Variants in MAST4 observed in about 807,000 individuals in gnomAD.
MAST4 encodes the protein microtubule associated serine/threonine kinase family member 4.
A neutral mutation model predicts 162.7 loss-of-function variants in MAST4; 89 were observed. The ratio of observed to expected loss-of-function variants is 0.55; its 90% CI spans 0.46 to 0.65. The LOEUF is 0.65. Among genes scored for constraint, MAST4 ranks in the 30% least tolerant of loss-of-function variants. The probability of loss-of-function intolerance (pLI) is 0.00; values close to 1 mark genes in which losing one functional copy is unlikely to be tolerated. For missense variants in MAST4, 3,153 were observed against 3,374.0 expected, an observed-to-expected ratio of 0.93 and a Z score of 1.62; for synonymous variants, 1,479 against 1,361.1, an observed-to-expected ratio of 1.09 and a Z score of -1.91.
chr5:66,843,000 A>G (rs1377856912), intron 3 of MAST4, among the ~76,000 whole-genome samples: 1 of 152,214 alleles, frequency 6.6e-6, no homozygotes, highest in Non-Finnish European at 1.5e-5. Flanking sequence ...ATAATTTGAA[A>G]TGCAGCCCTT....
intron 1 of MAST4, among the ~76,000 whole-genome samples, chr5:66,601,721 T>A (rs1411759812): frequency 2.0e-5 from 3 of 152,058 alleles, no homozygotes; most frequent in Non-Finnish European, 2.9e-5. Context: ...CTCATGACAT[T>A]TGATAGAGAA....
intron 4 of MAST4, among the ~76,000 whole-genome samples, chr5:67,028,989 G>A (rs575191087): frequency 2.0e-5 from 3 of 152,032 alleles, no homozygotes; most frequent in Non-Finnish European, 2.9e-5. Flanking sequence ...AAATAAATTC[G>A]CTAGGCATGG....
At chr5:66,800,118 A>G (rs907217915) in intron 3 of MAST4, among the ~76,000 whole-genome samples, 1 of 152,204 alleles carries the variant, frequency 6.6e-6, no homozygotes, top group Admixed American at 6.5e-5. Flanking sequence ...TTGTGACGAT[A>G]AGCTTTTCTA....
In MAST4 at chr5:67,167,248, C is replaced by A; in HGVS notation, c.*197C>A. On this transcript the variant is annotated 3_prime_UTR_variant, in exon 29 of 29. Coordinates refer to ENST00000403625, the MANE Select transcript of MAST4 (RefSeq NM_001164664.2). ...CCAGTTGTAACCGGTAAAACTGTTA[C>A]CAGATAGTGTTTGTACAAAAAAAAA... 7.0e-6 allele frequency: 1 copy of A among 142,308 alleles called. No homozygotes were observed. The highest frequency in any genetic ancestry group is 1.3e-5 in the Non-Finnish European group (1 of 79,664). The allele number at this position is 142,308 out of a possible 1,614,324, so 8.8% of individuals were successfully genotyped here.
intron 3 of MAST4, among the ~76,000 whole-genome samples, chr5:66,811,899 T>G (rs1301243525): frequency 6.6e-6 from 1 of 152,216 alleles, no homozygotes; most frequent in Non-Finnish European, 1.5e-5. Flanking sequence ...CTGGTGACTT[T>G]AGGAATCAAT....
chr5:67,163,867 A>T lies in MAST4; in HGVS notation c.4688A>T (p.Asn1563Ile). 1 of 1,613,956 alleles carries T rather than the reference A, an allele frequency of 6.2e-7. No individual in the cohort carries two copies. The highest frequency in any genetic ancestry group is 8.5e-7 in the Non-Finnish European group (1 of 1,179,864). Residue 1563 changes from asparagine to isoleucine, a missense_variant, in exon 29 of 29, where the codon AAC (asparagine) becomes ATC (isoleucine). Physicochemically the swap from Asn to Ile is moderately radical, Grantham distance 149. Transcript: ENST00000403625. This position sits in a 1 kb window ranked among gnomAD's most constrained non-coding sequence, Gnocchi z 7.0. ...CATGGACCCGGGAGTGATTTGGAAAACTTTGCTCTGTTTAAGCTGGAAGAG... is the reference window on the plus strand; with the variant it reads ...CATGGACCCGGGAGTGATTTGGAAATCTTTGCTCTGTTTAAGCTGGAAGAG... ...KSHGPGSDLE[N>I]FALFKLEERE...
chr5:66,704,194 G>A (rs1415573181), intron 1 of MAST4, among the ~76,000 whole-genome samples: 1 of 152,012 alleles, frequency 6.6e-6, no homozygotes, highest in Non-Finnish European at 1.5e-5. Flanking sequence ...AATCACCCTT[G>A]CAGAAGTACA....
chr5:66,891,486 G>A (rs1425274824), intron 3 of MAST4, among the ~76,000 whole-genome samples: 1 of 152,094 alleles, frequency 6.6e-6, no homozygotes, highest in Non-Finnish European at 1.5e-5. Flanking sequence ...ATGTTGATTA[G>A]GCCATCTTAT....
chr5:66,914,316 G>A (rs1255867923), intron 4 of MAST4, among the ~76,000 whole-genome samples: 1 of 152,186 alleles, frequency 6.6e-6, no homozygotes, highest in Non-Finnish European at 1.5e-5. Flanking sequence ...GGCCCCCAGG[G>A]TGTGCTGATA....
chr5:67,014,113 T>G lies in MAST4; in HGVS notation c.675-40291T>G, dbSNP rs147802520. On this transcript the variant is annotated intron_variant, in intron 4 of 28. Transcript: ENST00000403625. ...ATGTCAGATTTTTTTTTTTTCCATGTAAGGACTGATTTTATCTACTTAACT... is the reference window on the plus strand; with the variant it reads ...ATGTCAGATTTTTTTTTTTTCCATGGAAGGACTGATTTTATCTACTTAACT... Among the ~76,000 whole-genome samples the G allele has an allele frequency of 1.4e-3, 218 of 152,112 alleles. 6 individuals are homozygous for G. The highest frequency in any genetic ancestry group is 5.1e-3 in the African/African-American group (212 of 41,490).
intron 4 of MAST4, among the ~76,000 whole-genome samples, chr5:67,035,877 C>T (rs1252640701): frequency 1.3e-5 from 2 of 152,068 alleles, no homozygotes; most frequent in Admixed American, 1.3e-4. Flanking sequence ...CTTATAACAC[C>T]TAATACAATG....
At chr5:66,651,036 G>T (rs4355471) in intron 1 of MAST4, among the ~76,000 whole-genome samples, 1 of 151,896 alleles carries the variant, frequency 6.6e-6, no homozygotes, top group Admixed American at 6.6e-5. Context: ...GTGAATTACT[G>T]CTGTTACATA....
chr5:66,821,008 T>C (rs1013352247), intron 3 of MAST4, among the ~76,000 whole-genome samples: 1 of 152,192 alleles, frequency 6.6e-6, no homozygotes, highest in Admixed American at 6.5e-5. Context: ...GTCTTCAGGA[T>C]TGCAAGTGGG....
intron 1 of MAST4, among the ~76,000 whole-genome samples, chr5:66,722,808 A>G (rs1347900505): frequency 6.6e-6 from 1 of 152,196 alleles, no homozygotes; most frequent in African/African-American, 2.4e-5. Context: ...GGAGGCAATC[A>G]TAGCTGCATA....
chr5:66,952,925 G>A (rs1744875346), intron 4 of MAST4, among the ~76,000 whole-genome samples: 1 of 152,148 alleles, frequency 6.6e-6, no homozygotes, highest in Non-Finnish European at 1.5e-5. Context: ...ATGACCTTAT[G>A]TGTGTCTTTA....
chr5:66,703,160 G>C (rs80343313), intron 1 of MAST4, among the ~76,000 whole-genome samples: 114 of 152,164 alleles, frequency 7.5e-4, no homozygotes, highest in Non-Finnish European at 1.4e-3. Context: ...AGGGGAGTAG[G>C]GGGTAGGAGG....
At chr5:66,898,678 T>A (rs926520560) in intron 3 of MAST4, among the ~76,000 whole-genome samples, 1 of 152,224 alleles carries the variant, frequency 6.6e-6, no homozygotes, top group Non-Finnish European at 1.5e-5. Context: ...GGTTTTGCTA[T>A]TGGGTGAAAG....
At chr5:67,035,110 T>G (rs1168184957) in intron 4 of MAST4, among the ~76,000 whole-genome samples, 1 of 152,172 alleles carries the variant, frequency 6.6e-6, no homozygotes, top group African/African-American at 2.4e-5. Flanking sequence ...TTCTTTTGGC[T>G]TTGCTATTTC....
chr5:66,618,034 G>T (rs111837090), intron 1 of MAST4, among the ~76,000 whole-genome samples: 4,085 of 123,008 alleles, frequency 0.033, 114 homozygotes, highest in Middle Eastern at 0.068. Flanking sequence ...TGGGAGGAAT[G>T]GGGGGGGGGC....
Sources: allele counts gnomAD v4.1 joint callset (sites outside exome capture counted in the v4.1 genomes callset), GRCh38; gene constraint gnomAD v4.1.1; non-coding constraint Gnocchi (gnomAD v3.1); transcripts MANE v1.5; gene names NCBI Gene and HGNC (gene_info 2026-07-23, HGNC 2026-07-21).